The following TRIM14 variants were observed in gnomAD, a reference collection of about 807,000 sequenced individuals.
TRIM14 encodes the protein tripartite motif containing 14.
TRIM14 carries 28 observed loss-of-function variants against 44.5 expected under a neutral mutation model. That is an observed-to-expected ratio of 0.63 (90% CI 0.47 to 0.86). TRIM14 has a LOEUF of 0.86. TRIM14 is among the 40% of genes least tolerant of loss of function. TRIM14 has a pLI of 0.00. For synonymous variants in TRIM14, 299 were observed against 269.2 expected (o/e 1.11, Z -1.08); for missense variants, 607 against 611.1 (o/e 0.99, Z 0.07).
the TRIM14 span, among the ~76,000 whole-genome samples, chr9:98,045,646 C>A: frequency 6.6e-6 from 1 of 152,212 alleles, no homozygotes. Flanking sequence ...CTCCCCAGTT[C>A]ATGGATTGTT....
Position 98,084,750 on chromosome 9 carries a change from A to C in TRIM14, c.*2720T>G, listed in dbSNP as rs1211282077. 1.3e-5 allele frequency: 2 copies of C among 152,134 alleles called. No individual in the cohort carries two copies. Among genetic ancestry groups the C allele is most frequent in the African/African-American group, 4.8e-5 (2 of 41,384 alleles). 9.4% of individuals were successfully genotyped at this position (152,134 alleles called of 1,614,324 possible). ...AGTGGTGCAATCTCAGCTCACTGCA[A>C]TCTCCGCCTCCTGGGTTCAAGCAAC... On this transcript the variant is annotated 3_prime_UTR_variant, in exon 6 of 6. Transcript: ENST00000341469.
intron 5 of TRIM14, 111 bp from the exon 6 acceptor site, chr9:98,088,116 G>A: frequency 8.0e-7 from 1 of 1,254,058 alleles, no homozygotes; most frequent in Non-Finnish European, 1.0e-6. Context: ...GCGCGGAAAT[G>A]GCCCAAGGAA....
chr9:98,086,208 CCT>C lies in TRIM14; in HGVS notation c.*1260_*1261del, dbSNP rs1162563487. The C allele has an allele frequency of 6.6e-6, 1 of 152,204 alleles. No individual in the cohort carries two copies. The highest frequency in any genetic ancestry group is 2.4e-5 in the African/African-American group (1 of 41,420). The allele number at this position is 152,204 out of a possible 1,614,324, so 9.4% of individuals were successfully genotyped here. On this transcript the variant is annotated 3_prime_UTR_variant, in exon 6 of 6. Coordinates refer to ENST00000341469, the MANE Select transcript of TRIM14 (RefSeq NM_014788.4). ...ACCTGCTGATTCCTTCCCAAAATCC[CCT>C]GAGAAATGAGTAAGCAGGTTGAAAG...
Position 98,119,158 on chromosome 9 carries a change from G to C in TRIM14, c.31C>G (p.Pro11Ala). The change falls in exon 1 of 6, where the codon CCT (proline) becomes GCT (alanine). Residue 11 changes from proline to alanine, a missense_variant. By Grantham distance (27) the Pro-to-Ala change is conservative. Transcript: ENST00000341469. ...CCCTCGACAAGCTCCGACCTCCCAG[G>C]GGTCCGGCTCCCGGTCGCCGCGCCC... MAGAATGSRT[P>A]GRSELVEGCG... 2 of 1,582,206 alleles carry C rather than the reference G, an allele frequency of 1.3e-6. No homozygotes were observed. Among genetic ancestry groups the C allele is most frequent in the Non-Finnish European group, 8.5e-7 (1 of 1,173,894 alleles).
Position 98,118,996 on chromosome 9 carries a change from C to T in TRIM14, c.193G>A (p.Ala65Thr), listed in dbSNP as rs559348391. ...GHPVGLALEA[A>T]VHVQKLSQEC... ...ATCGTCCCCACCTGCACGTGCACCG[C>T]TGCCTCCAGCGCCAGGCCCACAGGG... Residue 65 changes from alanine (A) to threonine (T), a missense_variant, in exon 1 of 6, where the codon GCG becomes ACG. This residue lies in a region of TRIM14 where 246 missense variants were observed against 270.8 expected (regional missense o/e 0.91). Transcript: ENST00000341469. The T allele has an allele frequency of 6.4e-7, 1 of 1,553,534 alleles. No homozygotes were observed. Among genetic ancestry groups the T allele is most frequent in the South Asian group, 1.2e-5 (1 of 86,448 alleles).
chr9:98,092,276 G>C (rs1174274900), intron 4 of TRIM14, among the ~76,000 whole-genome samples: 1 of 152,202 alleles, frequency 6.6e-6, no homozygotes, highest in Non-Finnish European at 1.5e-5. Flanking sequence ...GCAGATTCCA[G>C]GGTAAAGATG....
At chr9:98,083,322 GTGGT>G (rs974908891), downstream of TRIM14, among the ~76,000 whole-genome samples, 1 of 152,252 alleles carries the variant, frequency 6.6e-6, no homozygotes, top group African/African-American at 2.4e-5. Context: ...AGAAGAAGGG[GTGGT>G]TCCAAACAAA....
Position 98,117,982 on chromosome 9 carries a change from C to T in TRIM14, c.207+1000G>A, listed in dbSNP as rs376509265. On this transcript the variant is annotated intron_variant, in intron 1 of 5. Transcript: ENST00000341469. The stretch of plus-strand genomic sequence containing the variant: ...GTGGCAGGGACAGGTCTTGAGCCCA[C>T]GACTCCACTGGATTGTCCCCCATGA... 1.5e-3 allele frequency among the ~76,000 whole-genome samples: 229 copies of T among 152,244 alleles called. 3 individuals are homozygous for T. The highest frequency in any genetic ancestry group is 5.1e-3 in the African/African-American group (213 of 41,544).
intron 3 of TRIM14, among the ~76,000 whole-genome samples, chr9:98,099,048 C>G (rs971957973): frequency 5.9e-5 from 9 of 152,130 alleles, no homozygotes; most frequent in African/African-American, 2.2e-4. Flanking sequence ...TCTTCCTCAA[C>G]AAAGCCCAGT....
chr9:98,080,757 G>A (rs1829816529), downstream of TRIM14: 16 of 1,518,598 alleles, frequency 1.1e-5, no homozygotes, highest in South Asian at 1.7e-4. Context: ...CGCTTCACCT[G>A]GAGAATATGC....
downstream of TRIM14, among the ~76,000 whole-genome samples, chr9:98,068,971 AGC>A (rs1829231786): frequency 6.6e-6 from 1 of 152,222 alleles, no homozygotes. Context: ...TTTTTTAAAC[AGC>A]TTTATTGGGA....
chr9:98,069,858 G>A (rs1293872917), intron 6 of TRIM14, among the ~76,000 whole-genome samples: 2 of 152,030 alleles, frequency 1.3e-5, no homozygotes, highest in African/African-American at 2.4e-5. Flanking sequence ...CTGTGCATGG[G>A]GTAAAATTGC....
chr9:98,104,124 C>G (rs567450671), intron 2 of TRIM14, among the ~76,000 whole-genome samples: 1 of 152,162 alleles, frequency 6.6e-6, no homozygotes, highest in Admixed American at 6.5e-5. Context: ...ATACACAGGC[C>G]TATGGATTAT....
chr9:98,039,963 C>A, the TRIM14 span, among the ~76,000 whole-genome samples: 1 of 152,126 alleles, frequency 6.6e-6, no homozygotes, highest in Non-Finnish European at 1.5e-5. Flanking sequence ...TAAGGTGAAC[C>A]CCTGGGTGGT....
intron 2 of TRIM14, among the ~76,000 whole-genome samples, chr9:98,108,747 C>A (rs1419742475): frequency 6.6e-6 from 1 of 151,552 alleles, no homozygotes; most frequent in East Asian, 1.9e-4. Context: ...ATGAAGACAA[C>A]TGACAGAGAA....
intron 3 of TRIM14, among the ~76,000 whole-genome samples, chr9:98,096,143 G>A (rs1035197261): frequency 6.6e-6 from 1 of 152,196 alleles, no homozygotes; most frequent in African/African-American, 2.4e-5. Context: ...AGGGCCTCAG[G>A]AGGGAGGGAG....
the TRIM14 span, among the ~76,000 whole-genome samples, chr9:98,051,002 G>A: frequency 6.6e-6 from 1 of 152,044 alleles, no homozygotes; most frequent in Admixed American, 6.6e-5. Flanking sequence ...TCGAACTCCT[G>A]GCCTCAAGTG....
chr9:98,051,535 C>A, the TRIM14 span, among the ~76,000 whole-genome samples: 1 of 152,114 alleles, frequency 6.6e-6, no homozygotes, highest in African/African-American at 2.4e-5. Flanking sequence ...TAGAACCTAT[C>A]ATGGGGGATA....
intron 6 of TRIM14, chr9:98,076,793 G>GTTGC (rs1360944410): frequency 2.9e-6 from 2 of 695,344 alleles, no homozygotes; most frequent in Non-Finnish European, 4.9e-6. Context: ...CTGCTTTCAA[G>GTTGC]TTGCTGAGCG....
Sources: allele counts gnomAD v4.1 joint callset (sites outside exome capture counted in the v4.1 genomes callset), GRCh38; gene constraint gnomAD v4.1.1; regional missense constraint gnomAD v4.1.1; transcripts MANE v1.5; gene names NCBI Gene and HGNC (gene_info 2026-07-23, HGNC 2026-07-21).